MYT1L: variants seen among roughly 807,000 people sequenced by gnomAD.
MYT1L encodes myelin transcription factor 1 like.
MYT1L carries 12 observed loss-of-function variants against 126.7 expected under a neutral mutation model. That is an observed-to-expected ratio of 0.09 (90% CI 0.06 to 0.15). The LOEUF (loss-of-function observed/expected upper bound fraction) is 0.15. MYT1L is among the 10% of genes least tolerant of loss of function. The pLI is 1.00. For synonymous variants in MYT1L, 541 were observed against 604.2 expected, an observed-to-expected ratio of 0.90 and a Z score of 1.53; for missense variants, 979 against 1,585.2, an observed-to-expected ratio of 0.62 and a Z score of 6.49.
In MYT1L at chr2:2,103,576, G is replaced by T. The variant is rs373834245; in HGVS notation, c.-303-49453C>A. Among the ~76,000 whole-genome samples, 49 of 152,318 alleles carry T rather than the reference G, an allele frequency of 3.2e-4. No homozygotes were observed. In the East Asian group the frequency reaches 4.3e-3, roughly 13 times the overall value. ...AGTGCCACAGCGTCAGCTTAAACGG[G>T]GAACTCATAGGTAACCCAGCATCCC... On this transcript the variant is annotated intron_variant, in intron 3 of 24. Coordinates refer to ENST00000647738, the MANE Select transcript of MYT1L (RefSeq NM_001303052.2).
intron 3 of MYT1L, among the ~76,000 whole-genome samples, chr2:2,076,050 A>C (rs924296281): frequency 6.6e-6 from 1 of 152,216 alleles, no homozygotes; most frequent in Admixed American, 6.5e-5. Context: ...GTAGTGAGGG[A>C]AAGACTTACC....
At chr2:1,990,675 G>A (rs1209164440) in intron 5 of MYT1L, among the ~76,000 whole-genome samples, 1 of 152,208 alleles carries the variant, frequency 6.6e-6, no homozygotes, top group Non-Finnish European at 1.5e-5. Flanking sequence ...TCCCAGAGAT[G>A]TTGAGAAGCC....
intron 21 of MYT1L, chr2:1,816,835 G>A (rs1418271686): frequency 6.6e-6 from 1 of 152,656 alleles, no homozygotes; most frequent in Non-Finnish European, 1.5e-5. Flanking sequence ...GCCCGGCTGG[G>A]GGCCTGGGGC....
chr2:1,802,992 A>G (rs1376062842), intron 22 of MYT1L, among the ~76,000 whole-genome samples: 2 of 152,148 alleles, frequency 1.3e-5, no homozygotes, highest in Non-Finnish European at 2.9e-5. Flanking sequence ...AAGGGGTACA[A>G]TCAACCAGAG....
At chr2:2,021,078 C>G (rs1645750269) in intron 4 of MYT1L, among the ~76,000 whole-genome samples, 1 of 152,196 alleles carries the variant, frequency 6.6e-6, no homozygotes, top group South Asian at 2.1e-4. Flanking sequence ...GCAACGCTGG[C>G]TGGACGGTCT....
At chr2:1,878,340 T>C (rs1178789700) in intron 18 of MYT1L, among the ~76,000 whole-genome samples, 1 of 152,202 alleles carries the variant, frequency 6.6e-6, no homozygotes, top group African/African-American at 2.4e-5. Flanking sequence ...AATAAAAAAT[T>C]ATTAAACTGT....
intron 4 of MYT1L, among the ~76,000 whole-genome samples, chr2:2,020,640 C>T (rs190874932): frequency 5.9e-5 from 9 of 152,272 alleles, no homozygotes; most frequent in Admixed American, 3.9e-4. Context: ...CATAGTTCCC[C>T]CAGTTTACTG....
At chr2:2,288,792 C>T (rs1573208697) in intron 1 of MYT1L, among the ~76,000 whole-genome samples, 1 of 152,154 alleles carries the variant, frequency 6.6e-6, no homozygotes, top group African/African-American at 2.4e-5. Flanking sequence ...GGAATTTTAT[C>T]AGACTAGAGC....
intron 3 of MYT1L, among the ~76,000 whole-genome samples, chr2:2,129,722 C>T (rs1486515586): frequency 2.0e-5 from 3 of 152,038 alleles, no homozygotes; most frequent in African/African-American, 2.4e-5. Context: ...CTGGCTAACA[C>T]GGTGAAACCC....
intron 1 of MYT1L, among the ~76,000 whole-genome samples, chr2:2,302,522 A>T (rs899176330): frequency 6.6e-6 from 1 of 152,190 alleles, no homozygotes; most frequent in African/African-American, 2.4e-5. Flanking sequence ...CTTGACTGAG[A>T]TGTCAAATTG....
At chr2:2,021,725 G>A (rs1442923603) in intron 4 of MYT1L, among the ~76,000 whole-genome samples, 6 of 152,082 alleles carry the variant, frequency 3.9e-5, no homozygotes, top group East Asian at 1.9e-4. Context: ...GTGAAACTCC[G>A]TCTCTACTAA....
At chr2:1,980,745 T>C (rs1201335592) in intron 5 of MYT1L, among the ~76,000 whole-genome samples, 1 of 152,200 alleles carries the variant, frequency 6.6e-6, no homozygotes, top group Non-Finnish European at 1.5e-5. Flanking sequence ...TGTCTGTCTT[T>C]GTTTCCACTA....
intron 2 of MYT1L, among the ~76,000 whole-genome samples, chr2:2,209,125 A>G (rs1418800700): frequency 6.6e-6 from 1 of 152,208 alleles, no homozygotes; most frequent in African/African-American, 2.4e-5. Context: ...TTGTGGGCAC[A>G]TAGTAGGTGT....
At chr2:1,941,549 G>A (rs1183509307) in intron 9 of MYT1L, among the ~76,000 whole-genome samples, 2 of 152,284 alleles carry the variant, frequency 1.3e-5, no homozygotes, top group East Asian at 3.9e-4. Context: ...GTCCCTGGTA[G>A]ATTTAATAGC....
In MYT1L at chr2:1,989,867, G is replaced by A. The variant is rs183124438; in HGVS notation, c.-1+7324C>T. 2.1e-3 allele frequency among the ~76,000 whole-genome samples: 316 copies of A among 152,162 alleles called. 1 individual carries two copies. Among genetic ancestry groups the A allele is most frequent in the African/African-American group, 7.3e-3 (304 of 41,510 alleles). On this transcript the variant is annotated intron_variant, in intron 5 of 24. Coordinates refer to ENST00000647738, the MANE Select transcript of MYT1L (RefSeq NM_001303052.2). ...ACAAAAGTTAGCTGGGCATGGTGGC[G>A]GGTGTCTGTAATCCCAGCTACTCTG...
chr2:2,181,527 T>A (rs941170285), intron 2 of MYT1L, among the ~76,000 whole-genome samples: 1 of 152,126 alleles, frequency 6.6e-6, no homozygotes, highest in Non-Finnish European at 1.5e-5. Flanking sequence ...CAGAGTGTGA[T>A]TTAAATGTGC....
intron 3 of MYT1L, among the ~76,000 whole-genome samples, chr2:2,152,571 T>A (rs1314406029): frequency 1.3e-5 from 2 of 152,046 alleles, no homozygotes; most frequent in Non-Finnish European, 2.9e-5. Flanking sequence ...ACAGAGTGAA[T>A]GGAACAATGT....
In MYT1L at chr2:2,172,997, T is replaced by G. The variant is rs1261758055; in HGVS notation, c.-420-9A>C. The G allele has an allele frequency of 6.6e-6, 1 of 152,232 alleles. No homozygotes were observed. The highest frequency in any genetic ancestry group is 2.4e-5 in the African/African-American group (1 of 41,458). The allele number at this position is 152,232 out of a possible 1,614,324, so 9.4% of individuals were successfully genotyped here. A position where few individuals can be genotyped will look rare whatever the true frequency, so the allele number is the denominator to read the frequency against. ...TCCTCTGAGTTCATTTTCTAAAGGA[T>G]AGAGCGACAACACAAAATACCTTAA... On this transcript the variant is annotated splice_polypyrimidine_tract_variant and intron_variant, in intron 2 of 24. Coordinates refer to ENST00000647738, the MANE Select transcript of MYT1L (RefSeq NM_001303052.2).
At chr2:2,026,819 G>C (rs1484890132) in intron 4 of MYT1L, among the ~76,000 whole-genome samples, 1 of 152,042 alleles carries the variant, frequency 6.6e-6, no homozygotes, top group Non-Finnish European at 1.5e-5. Flanking sequence ...CCTTGTGCGG[G>C]GCCCCTCAAC....
Sources: allele counts gnomAD v4.1 joint callset (sites outside exome capture counted in the v4.1 genomes callset), GRCh38; gene constraint gnomAD v4.1.1; transcripts MANE v1.5; gene names NCBI Gene and HGNC (gene_info 2026-07-23, HGNC 2026-07-21).